Variants in RILPL1 observed in about 807,000 individuals in gnomAD.
The protein encoded by RILPL1 is Rab interacting lysosomal protein like 1.
RILPL1 carries 33 observed loss-of-function variants against 50.3 expected under a neutral mutation model. The observed-to-expected ratio is 0.66, with a 90% confidence interval of 0.50 to 0.88. RILPL1 has a LOEUF of 0.88. Ranked by LOEUF, RILPL1 falls within the 40% of genes least tolerant of loss-of-function variation. RILPL1 has a pLI of 0.00. For missense variants in RILPL1, 418 were observed against 542.5 expected, an observed-to-expected ratio of 0.77 and a Z score of 2.28; for synonymous variants, 205 against 228.6, an observed-to-expected ratio of 0.90 and a Z score of 0.93.
chr12:123,474,898 T>C (rs1011007831), intron 6 of RILPL1: 1 of 152,218 alleles, frequency 6.6e-6, no homozygotes, highest in African/African-American at 2.4e-5. Flanking sequence ...TCTTCTGTGG[T>C]TACTGGATCC....
chr12:123,533,285 C>T lies in RILPL1; in HGVS notation c.198G>A (p.Val66=), dbSNP rs1222448596. 8.8e-6 allele frequency: 14 copies of T among 1,586,850 alleles called. No individual in the cohort carries two copies. The highest frequency in any genetic ancestry group is 1.2e-5 in the Non-Finnish European group (14 of 1,171,924). ...KVVRVLEILE[V]LVSRHHVAPE... Reference sequence around the variant, plus strand: ...GCGCGACGTGGTGGCGGCTGACCAGCACCTCCAGGATCTCCAGGACGCGCA... The same window carrying T: ...GCGCGACGTGGTGGCGGCTGACCAGTACCTCCAGGATCTCCAGGACGCGCA... The change falls in exon 1 of 7, where the codon GTG becomes GTA. Residue 66 remains valine (V), a synonymous_variant. Transcript: ENST00000376874. This position sits in a 1 kb window ranked among gnomAD's most constrained non-coding sequence, Gnocchi z 6.2.
At chr12:123,509,103 C>T (rs1013599113) in intron 2 of RILPL1, among the ~76,000 whole-genome samples, 4 of 152,042 alleles carry the variant, frequency 2.6e-5, no homozygotes, top group Admixed American at 1.3e-4. Context: ...CACCACTGCA[C>T]TCCAGCCTGG....
At position 123,533,186 on chromosome 12, in the gene RILPL1, G is replaced by A. The variant is rs1279671666; in HGVS notation, c.297C>T (p.Arg99=). ...LERMDRIEKE[R]KHQKELELVE... is the part of the protein sequence containing the mutation. ...GGCCGCCGCCCACCTTCTGGTGCTT[G>A]CGCTCCTTCTCGATGCGGTCCATCC... Residue 99 remains arginine (R), a synonymous_variant, in exon 1 of 7, where the codon CGC becomes CGT. Transcript: ENST00000376874. The surrounding 1 kb of genome is among the most constrained non-coding windows in gnomAD (Gnocchi z 6.2). 2 of 1,559,538 alleles carry A rather than the reference G, an allele frequency of 1.3e-6. No individual in the cohort carries two copies. Among genetic ancestry groups the A allele is most frequent in the Non-Finnish European group, 1.7e-6 (2 of 1,156,442 alleles).
intron 1 of RILPL1, among the ~76,000 whole-genome samples, chr12:123,532,411 TC>T (rs933457000): frequency 1.2e-4 from 18 of 151,916 alleles, no homozygotes; most frequent in African/African-American, 4.4e-4. Flanking sequence ...ATCATCCCTT[TC>T]CCCCAATTCA....
In RILPL1 at chr12:123,491,255, C is replaced by T. The variant is rs578224278; in HGVS notation, c.802-5450G>A. ...CTCCTAGGCTTACTCCATGCGGGACCGGGAGGTGGCTCGGGTTAGCTGAGA... is the reference window on the plus strand; with the variant it reads ...CTCCTAGGCTTACTCCATGCGGGACTGGGAGGTGGCTCGGGTTAGCTGAGA... On this transcript the variant is annotated intron_variant, in intron 4 of 6. Transcript: ENST00000376874. The surrounding 1 kb of genome is among the most constrained non-coding windows in gnomAD (Gnocchi z 4.0). 2.6e-5 allele frequency among the ~76,000 whole-genome samples: 4 copies of T among 152,300 alleles called. No homozygotes were observed. Among genetic ancestry groups the T allele is most frequent in the South Asian group, 2.1e-4 (1 of 4,826 alleles).
chr12:123,504,634 A>G lies in RILPL1; in HGVS notation c.461-5098T>C, dbSNP rs529542350. 4.3e-4 allele frequency among the ~76,000 whole-genome samples: 66 copies of G among 152,270 alleles called. 1 individual carries two copies. The highest frequency in any genetic ancestry group is 1.5e-3 in the South Asian group (7 of 4,822). ...TCCCAAAGGGCAACGTACTCCTGCC[A>G]AGCCCAGGAAGGATAAACTGCTTTA... On this transcript the variant is annotated intron_variant, in intron 2 of 6. Coordinates refer to ENST00000376874, the MANE Select transcript of RILPL1 (RefSeq NM_178314.5).
chr12:123,502,138 A>C (rs1883438813), intron 2 of RILPL1, among the ~76,000 whole-genome samples: 1 of 152,136 alleles, frequency 6.6e-6, no homozygotes, highest in Non-Finnish European at 1.5e-5. Context: ...TGCAATGGGA[A>C]TCCACCTGCC....
chr12:123,473,765 G>T (rs1269689654), intron 6 of RILPL1: 2 of 150,770 alleles, frequency 1.3e-5, no homozygotes, highest in African/African-American at 2.4e-5. Context: ...GGAACTTTCA[G>T]ATGCCTGAAA....
chr12:123,481,578 C>T (rs983879137), intron 6 of RILPL1, among the ~76,000 whole-genome samples: 10 of 146,694 alleles, frequency 6.8e-5, no homozygotes, highest in East Asian at 2.0e-4. Context: ...TTTTTTGAGG[C>T]GGAGTTTCAC....
chr12:123,475,873 C>T, intron 6 of RILPL1: 1 of 597,122 alleles, frequency 1.7e-6, no homozygotes, highest in Non-Finnish European at 3.0e-6. Context: ...TGAATTGTGT[C>T]ACCTGCCTCT....
At position 123,524,641 on chromosome 12, in the gene RILPL1, C is replaced by T. The variant is rs191408111; in HGVS notation, c.310-996G>A. Among the ~76,000 whole-genome samples the T allele has an allele frequency of 3.2e-3, 490 of 152,138 alleles. 3 individuals are homozygous for T. The highest frequency in any genetic ancestry group is 0.011 in the African/African-American group (469 of 41,532). ...GACATATGCTACAACATAGGTGGACCCTGAAAACATTATGGAAAGAAGCCA... is the reference window on the plus strand; with the variant it reads ...GACATATGCTACAACATAGGTGGACTCTGAAAACATTATGGAAAGAAGCCA... On this transcript the variant is annotated intron_variant, in intron 1 of 6. Transcript: ENST00000376874.
In RILPL1 at chr12:123,498,751, C is replaced by T. The variant is rs1222464349; in HGVS notation, c.594G>A (p.Gln198=). ...CATGGTTGATCTTCATCAGCCGTGT[C>T]TGCTGCTGCTGTAACTGTAGAAAAA... ...NEDVEALQQQ[Q]TRLMKINHDL... The change falls in exon 4 of 7, where the codon CAG becomes CAA. Residue 198 remains glutamine (Q), a synonymous_variant. Transcript: ENST00000376874. The surrounding 1 kb of genome is among the most constrained non-coding windows in gnomAD (Gnocchi z 4.3). 1 of 1,612,432 alleles carries T rather than the reference C, an allele frequency of 6.2e-7. No individual in the cohort carries two copies. The highest frequency in any genetic ancestry group is 8.5e-7 in the Non-Finnish European group (1 of 1,179,744).
chr12:123,511,163 TG>T (rs1884143140), intron 2 of RILPL1, among the ~76,000 whole-genome samples: 1 of 141,966 alleles, frequency 7.0e-6, no homozygotes, highest in Non-Finnish European at 1.5e-5. Context: ...GGTCTGTGTG[TG>T]GTGTTTGTGT....
chr12:123,516,033 C>CA (rs749657516), intron 2 of RILPL1, among the ~76,000 whole-genome samples: 856 of 36,060 alleles, frequency 0.024, 61 homozygotes, highest in East Asian at 0.1. Context: ...GACTCTGTCT[C>CA]AAAAAAAAAA....
chr12:123,499,934 CTTT>C (rs753410387), intron 2 of RILPL1, among the ~76,000 whole-genome samples: 3 of 144,762 alleles, frequency 2.1e-5, no homozygotes, highest in African/African-American at 2.5e-5. Flanking sequence ...CCATGTATTA[CTTT>C]TTTTTTTTTT....
intron 2 of RILPL1, among the ~76,000 whole-genome samples, chr12:123,501,846 G>A (rs553849767): frequency 1.3e-5 from 2 of 151,864 alleles, no homozygotes; most frequent in East Asian, 1.9e-4. Flanking sequence ...GGTGGCCCAG[G>A]CAGGCAGATC....
At chr12:123,513,416 T>C in intron 2 of RILPL1, 2 of 330,904 alleles carry the variant, frequency 6.0e-6, no homozygotes, top group South Asian at 4.3e-5. Context: ...GAGGCGAGCA[T>C]GAGGAGAGAG....
intron 1 of RILPL1, among the ~76,000 whole-genome samples, chr12:123,527,877 G>T (rs142573183): frequency 4.6e-5 from 7 of 152,172 alleles, no homozygotes; most frequent in African/African-American, 1.7e-4. Context: ...GGAAGGCAAA[G>T]AAATGGATCC....
At chr12:123,477,700 T>C (rs2139307294) in intron 6 of RILPL1, among the ~76,000 whole-genome samples, 1 of 152,232 alleles carries the variant, frequency 6.6e-6, no homozygotes, top group Non-Finnish European at 1.5e-5. Flanking sequence ...AGATGCCTTC[T>C]GCTAAGTGAA....
Sources: allele counts gnomAD v4.1 joint callset (sites outside exome capture counted in the v4.1 genomes callset), GRCh38; gene constraint gnomAD v4.1.1; non-coding constraint Gnocchi (gnomAD v3.1); transcripts MANE v1.5; gene names NCBI Gene and HGNC (gene_info 2026-07-23, HGNC 2026-07-21).